HEATR4: variants seen among roughly 807,000 people sequenced by gnomAD.
HEATR4 encodes HEAT repeat containing 4, also known as HEAT repeat-containing protein 4.
A neutral mutation model predicts 108.8 loss-of-function variants in HEATR4; 95 were observed. The ratio of observed to expected loss-of-function variants is 0.87; its 90% CI spans 0.74 to 1.04. HEATR4 has a LOEUF of 1.04. Ranked by LOEUF, HEATR4 falls within the 50% of genes least tolerant of loss-of-function variation. HEATR4 has a pLI of 0.00. For missense variants in HEATR4, 1,152 were observed against 1,253.8 expected (o/e 0.92, Z 1.23); for synonymous variants, 443 against 459.4 (o/e 0.96, Z 0.46).
intron 1 of HEATR4, among the ~76,000 whole-genome samples, chr14:73,550,432 G>C (rs1327158946): frequency 1.8e-5 from 2 of 112,032 alleles, no homozygotes; most frequent in Admixed American, 2.0e-4. Flanking sequence ...AATAGTAGAA[G>C]ACAGCCCTAC....
the HEATR4 span, among the ~76,000 whole-genome samples, chr14:73,564,025 A>G: frequency 6.6e-6 from 1 of 151,656 alleles, no homozygotes; most frequent in African/African-American, 2.4e-5. Context: ...TTAAGGCCAG[A>G]CACGGTGACT....
At chr14:73,569,351 C>A in the HEATR4 span, 4 of 1,613,864 alleles carry the variant, frequency 2.5e-6, 1 homozygote, top group Non-Finnish European at 3.4e-6. Context: ...ACCAATGGAG[C>A]CTGAAGAGTT....
intron 13 of HEATR4, 113 bp downstream of exon 13, chr14:73,498,958 G>C: frequency 1.1e-6 from 1 of 886,986 alleles, no homozygotes; most frequent in Non-Finnish European, 1.9e-6. Context: ...GAAAAGCTAA[G>C]ATCATTACCT....
intron 15 of HEATR4, among the ~76,000 whole-genome samples, chr14:73,495,870 G>A (rs753522658): frequency 7.9e-5 from 12 of 152,088 alleles, no homozygotes; most frequent in Non-Finnish European, 1.5e-4. Context: ...GCTCATGCCT[G>A]TAATCCCAGC....
the HEATR4 span, among the ~76,000 whole-genome samples, chr14:73,626,843 G>T: frequency 3.0e-5 from 4 of 131,288 alleles, no homozygotes; most frequent in African/African-American, 1.3e-4. Context: ...TTGTTGCCCA[G>T]GCTAGAGTGC....
intron 9 of HEATR4, among the ~76,000 whole-genome samples, chr14:73,507,804 G>A (rs762292697): frequency 6.6e-6 from 1 of 152,052 alleles, no homozygotes; most frequent in African/African-American, 2.4e-5. Flanking sequence ...GTGTAGTGGC[G>A]TGATCTCAGC....
the HEATR4 span, among the ~76,000 whole-genome samples, chr14:73,620,926 C>T: frequency 6.6e-5 from 10 of 151,406 alleles, no homozygotes; most frequent in South Asian, 2.1e-4. Context: ...CTCCCTGGGC[C>T]GGGCACGGTG....
At chr14:73,527,491 C>T (rs1004085147) in intron 2 of HEATR4, 4 of 151,308 alleles carry the variant, frequency 2.6e-5, no homozygotes, top group African/African-American at 9.7e-5. Flanking sequence ...GCTGCTCTGC[C>T]TATGGAGTAG....
chr14:73,509,362 T>G lies in HEATR4; in HGVS notation c.1670A>C (p.Gln557Pro). Residue 557 changes from glutamine to proline, a missense_variant, in exon 8 of 18, where the codon CAG becomes CCG. Coordinates refer to ENST00000553558, the MANE Select transcript of HEATR4 (RefSeq NM_001220484.1). ...MAAAICQYAIQSHNPLARNIM... is the reference protein window; with the variant it reads ...MAAAICQYAIPSHNPLARNIM... ...GTTCCGGGCAAGGGGATTATGTGAC[T>G]GTATGGCATATTGGCATATTGCTGC... 1 of 1,614,130 alleles carries G rather than the reference T, an allele frequency of 6.2e-7. No individual in the cohort carries two copies. Among genetic ancestry groups the G allele is most frequent in the Non-Finnish European group, 8.5e-7 (1 of 1,180,026 alleles).
rs1382018979 is a variant in HEATR4, at chr14:73,539,087, C to G, written c.-151-8843G>C. 1.7e-5 allele frequency: 2 copies of G among 115,130 alleles called. 1 individual carries two copies. The highest frequency in any genetic ancestry group is 1.9e-4 in the Admixed American group (2 of 10,290). 7.1% of individuals were successfully genotyped at this position (115,130 alleles called of 1,614,324 possible). A position where few individuals can be genotyped will look rare whatever the true frequency, so the allele number is the denominator to read the frequency against. On this transcript the variant is annotated intron_variant, in intron 1 of 17. Transcript: ENST00000553558. ...TTTTTTTTAATAAAAAGAATTCCAACTGGTTTTCTCACTGTATTTCCATGG... is the reference window on the plus strand; with the variant it reads ...TTTTTTTTAATAAAAAGAATTCCAAGTGGTTTTCTCACTGTATTTCCATGG...
intron 1 of HEATR4, among the ~76,000 whole-genome samples, chr14:73,538,071 C>G (rs1888939702): frequency 8.9e-6 from 1 of 112,910 alleles, no homozygotes; most frequent in African/African-American, 2.9e-5. Flanking sequence ...AAGCTATCCT[C>G]CCGCCTCTGC....
At chr14:73,578,741 G>A in the HEATR4 span, among the ~76,000 whole-genome samples, 1 of 151,750 alleles carries the variant, frequency 6.6e-6, no homozygotes, top group Admixed American at 6.6e-5. Flanking sequence ...ATCACCTGAG[G>A]TCAGGAGTTC....
chr14:73,487,184 CA>C lies in HEATR4; in HGVS notation c.2844+5881del, dbSNP rs34910198. ...AAAAGGGAATTCTATTGATTCAAAA[CA>C]AAAAAAAAAAGAAGAGAAAGGTAAG... is the stretch of plus-strand genomic sequence containing the variant. On this transcript the variant is annotated intron_variant, in intron 17 of 17. Transcript: ENST00000553558. Among the ~76,000 whole-genome samples the C allele has an allele frequency of 1.9e-3, 263 of 135,346 alleles. 10 individuals carry two copies. Among genetic ancestry groups the C allele is most frequent in the African/African-American group, 5.1e-3 (193 of 37,676 alleles). 88.8% of individuals were successfully genotyped at this position (135,346 alleles called of 152,430 possible).
chr14:73,615,419 AAAAAC>A, the HEATR4 span, among the ~76,000 whole-genome samples: 2 of 145,906 alleles, frequency 1.4e-5, no homozygotes, highest in African/African-American at 2.5e-5. Flanking sequence ...AAAAAACAAA[AAAAAC>A]CAGCAACAAC....
rs1225808871 is a variant in HEATR4, at chr14:73,550,752, C to T, written c.-152+7999G>A. On this transcript the variant is annotated intron_variant, in intron 1 of 17. Coordinates refer to ENST00000553558, the MANE Select transcript of HEATR4 (RefSeq NM_001220484.1). ...TATGCTGCACTTCTTTGCTGTGTGT[C>T]TCTTGTTTAAATTCTTTTAAACCAA... is the stretch of plus-strand genomic sequence containing the variant. Among the ~76,000 whole-genome samples the T allele has an allele frequency of 3.5e-5, 4 of 115,836 alleles. 2 individuals carry two copies. Among genetic ancestry groups the T allele is most frequent in the Non-Finnish European group, 7.5e-5 (4 of 53,046 alleles). 76.0% of individuals were successfully genotyped at this position (115,836 alleles called of 152,430 possible).
At chr14:73,630,415 AT>A in the HEATR4 span, among the ~76,000 whole-genome samples, 3 of 152,172 alleles carry the variant, frequency 2.0e-5, no homozygotes, top group African/African-American at 7.2e-5. Flanking sequence ...CTCGCAACGT[AT>A]TTTCCTACTT....
intron 5 of HEATR4, among the ~76,000 whole-genome samples, chr14:73,516,655 G>T (rs1212402079): frequency 6.6e-6 from 1 of 152,156 alleles, no homozygotes; most frequent in Non-Finnish European, 1.5e-5. Context: ...CAGGCCATGG[G>T]CCTGTACCAG....
At chr14:73,496,337 GA>G (rs774069263) in intron 15 of HEATR4, among the ~76,000 whole-genome samples, 71 of 152,220 alleles carry the variant, frequency 4.7e-4, no homozygotes, top group Non-Finnish European at 7.5e-4. Context: ...GGAAGGGAGG[GA>G]AATAGTATTT....
intron 2 of HEATR4, among the ~76,000 whole-genome samples, chr14:73,524,659 A>G (rs1888219205): frequency 6.7e-6 from 1 of 149,528 alleles, no homozygotes; most frequent in Non-Finnish European, 1.5e-5. Flanking sequence ...TCAGGTTTCA[A>G]ATCTAGCCTA....
Sources: gnomAD v4.1 joint callset for allele counts (sites outside exome capture counted in the v4.1 genomes callset) on GRCh38, gnomAD v4.1.1 for gene constraint, MANE v1.5 for transcripts, NCBI Gene and HGNC (gene_info 2026-07-23, HGNC 2026-07-21) for gene names.